The following THRB variants were observed in gnomAD, a reference collection of about 807,000 sequenced individuals.
THRB encodes the protein thyroid hormone receptor beta.
Under a neutral mutation model 47.8 loss-of-function variants are expected in THRB, and 12 were observed. The ratio of observed to expected loss-of-function variants is 0.25; its 90% CI spans 0.16 to 0.41. The LOEUF is 0.41. Among genes scored for constraint, THRB ranks in the 10% least tolerant of loss-of-function variants. THRB has a pLI of 1.00. For missense variants in THRB, 348 were observed against 589.2 expected (o/e 0.59, Z 4.24); for synonymous variants, 218 against 212.2 (o/e 1.03, Z -0.24).
intron 2 of THRB, among the ~76,000 whole-genome samples, chr3:24,315,346 G>A (rs2058043881): frequency 1.3e-5 from 2 of 152,126 alleles, no homozygotes; most frequent in South Asian, 2.1e-4. Flanking sequence ...TAGAATGAAG[G>A]CATTCTAAAC....
chr3:24,175,311 T>C (rs2040998271), intron 5 of THRB, among the ~76,000 whole-genome samples: 1 of 152,186 alleles, frequency 6.6e-6, no homozygotes, highest in African/African-American at 2.4e-5. Context: ...GATGGAACAG[T>C]GCTGATTAAA....
chr3:24,128,971 A>G (rs182812486), intron 9 of THRB, among the ~76,000 whole-genome samples: 2 of 150,014 alleles, frequency 1.3e-5, no homozygotes, highest in Admixed American at 1.4e-4. Context: ...AGCAGTTACA[A>G]ATTCCTTTTG....
intron 3 of THRB, among the ~76,000 whole-genome samples, chr3:24,267,712 T>A (rs754570534): frequency 1.3e-5 from 2 of 152,190 alleles, no homozygotes; most frequent in African/African-American, 2.4e-5. Context: ...GAATCTCCTG[T>A]ACACTTGATG....
chr3:24,156,038 A>G (rs1483560075), intron 5 of THRB, among the ~76,000 whole-genome samples: 1 of 152,244 alleles, frequency 6.6e-6, no homozygotes, highest in East Asian at 1.9e-4. Flanking sequence ...TATTTTTATA[A>G]AAGCAAACTC....
At chr3:24,389,266 T>C (rs925380681) in intron 1 of THRB, among the ~76,000 whole-genome samples, 1 of 152,160 alleles carries the variant, frequency 6.6e-6, no homozygotes, top group Non-Finnish European at 1.5e-5. Flanking sequence ...CTGGAGAACT[T>C]AGCAATGCAG....
chr3:24,380,036 T>C (rs1256274760), intron 1 of THRB, among the ~76,000 whole-genome samples: 1 of 151,226 alleles, frequency 6.6e-6, no homozygotes, highest in East Asian at 1.9e-4. Context: ...AATGTTCTTA[T>C]GATGTTCTTA....
chr3:24,435,706 A>G (rs1317188012), intron 1 of THRB, among the ~76,000 whole-genome samples: 1 of 152,186 alleles, frequency 6.6e-6, no homozygotes, highest in Non-Finnish European at 1.5e-5. Flanking sequence ...AACAACTTAA[A>G]ACCAAATCAG....
In THRB at chr3:24,494,687, C is replaced by T. The variant is rs1484020357; in HGVS notation, c.-296G>A. ...CCGCGCGGTCCTCTAGCCAAATTACCAGTGCCCTGGAGCCGGTTGGGTTGA... is the reference window on the plus strand; with the variant it reads ...CCGCGCGGTCCTCTAGCCAAATTACTAGTGCCCTGGAGCCGGTTGGGTTGA... On this transcript the variant is annotated 5_prime_UTR_variant, in exon 1 of 11. Coordinates refer to ENST00000646209, the MANE Select transcript of THRB (RefSeq NM_001354712.2). 1 of 152,492 alleles carries T rather than the reference C, an allele frequency of 6.6e-6. No homozygotes were observed. Among genetic ancestry groups the T allele is most frequent in the African/African-American group, 2.4e-5 (1 of 41,446 alleles). The allele number at this position is 152,492 out of a possible 1,614,324, so 9.4% of individuals were successfully genotyped here.
intron 1 of THRB, among the ~76,000 whole-genome samples, chr3:24,374,244 C>T (rs922433323): frequency 4.7e-4 from 71 of 152,032 alleles, no homozygotes; most frequent in Non-Finnish European, 2.4e-4. Flanking sequence ...CACTCAGAAC[C>T]AATATTAAGT....
rs1191293969 is a variant in THRB at position 24,479,913 on chromosome 3, T to C, written c.-261+14739A>G. On this transcript the variant is annotated intron_variant, in intron 1 of 10. Transcript: ENST00000646209. ...ATAGTCCTGAAATGACAGGGAATCA[T>C]TTGCCTCTGAAGGCAGTCCCCAACA... 3.9e-5 allele frequency among the ~76,000 whole-genome samples: 6 copies of C among 152,164 alleles called. No individual in the cohort carries two copies. The South Asian group carries it at 6.2e-4, about 16-fold the overall frequency.
intron 3 of THRB, among the ~76,000 whole-genome samples, chr3:24,243,203 A>C (rs2049749248): frequency 6.6e-6 from 1 of 151,782 alleles, no homozygotes; most frequent in Admixed American, 6.6e-5. Context: ...AGAGCCACTT[A>C]GGTTTAGAGG....
chr3:24,315,705 A>G (rs2058070686), intron 2 of THRB, among the ~76,000 whole-genome samples: 1 of 152,214 alleles, frequency 6.6e-6, no homozygotes, highest in African/African-American at 2.4e-5. Context: ...CCTTATCCAC[A>G]TCTACATACC....
At chr3:24,152,613 G>A (rs1036800169) in intron 5 of THRB, 123 bp from the exon 6 acceptor site, 5 of 691,364 alleles carry the variant, frequency 7.2e-6, no homozygotes, top group Admixed American at 6.2e-5. Context: ...CAACAGTAAA[G>A]ACTTAGTGAA....
At chr3:24,384,345 T>G (rs2065928080) in intron 1 of THRB, among the ~76,000 whole-genome samples, 1 of 152,158 alleles carries the variant, frequency 6.6e-6, no homozygotes, top group African/African-American at 2.4e-5. Context: ...TTTATCAAAT[T>G]CTGCATTCTT....
intron 1 of THRB, among the ~76,000 whole-genome samples, chr3:24,432,735 G>A (rs1329855190): frequency 2.6e-5 from 4 of 151,970 alleles, no homozygotes. Flanking sequence ...GCTTTATACT[G>A]CATATAGAGT....
rs890832714 is a variant in THRB at position 24,188,748 on chromosome 3, GCACACACGTGCA to G, written c.283+1314_283+1325del. ...TTGCAAACAAATGTATTTTGCGCAC[GCACACACGTGCA>G]CACACACACACACATACGTCCTACA... On this transcript the variant is annotated intron_variant, in intron 5 of 10. Transcript: ENST00000646209. 1.9e-4 allele frequency among the ~76,000 whole-genome samples: 4 copies of G among 20,786 alleles called. No individual in the cohort carries two copies. The East Asian group carries it at 0.014, about 72-fold the overall frequency. 13.6% of individuals were successfully genotyped at this position (20,786 alleles called of 152,430 possible).
At chr3:24,419,272 G>A (rs1049680663) in intron 1 of THRB, among the ~76,000 whole-genome samples, 6 of 151,848 alleles carry the variant, frequency 4.0e-5, no homozygotes, top group Non-Finnish European at 7.4e-5. Flanking sequence ...TCCCAGGTCA[G>A]CGACCCTAGC....
At chr3:24,272,256 G>T (rs944685991) in intron 3 of THRB, among the ~76,000 whole-genome samples, 1 of 152,016 alleles carries the variant, frequency 6.6e-6, no homozygotes, top group Admixed American at 6.6e-5. Context: ...TGAGGTGGGA[G>T]TATCACTAGA....
At chr3:24,142,122 C>T (rs572124868) in intron 8 of THRB, among the ~76,000 whole-genome samples, 3 of 152,296 alleles carry the variant, frequency 2.0e-5, no homozygotes, top group South Asian at 2.1e-4. Flanking sequence ...ACATAAATCC[C>T]GGAGCTGGCT....
Sources: gnomAD v4.1 joint callset for allele counts (sites outside exome capture counted in the v4.1 genomes callset) on GRCh38, gnomAD v4.1.1 for gene constraint, MANE v1.5 for transcripts, NCBI Gene and HGNC (gene_info 2026-07-23, HGNC 2026-07-21) for gene names.